Variants in HIPK2 observed in about 807,000 individuals in gnomAD.
The protein encoded by HIPK2 is homeodomain interacting protein kinase 2, also known as homeodomain-interacting protein kinase 2.
HIPK2 carries 27 observed loss-of-function variants against 113.7 expected under a neutral mutation model. The observed-to-expected ratio is 0.24, with a 90% CI of 0.17 to 0.33. The LOEUF (loss-of-function observed/expected upper bound fraction) is 0.33, where lower values mean the gene tolerates loss of function less well. HIPK2 is among the 10% of genes least tolerant of loss of function. The pLI, the probability that HIPK2 is intolerant of heterozygous loss-of-function variation, is 1.00. For missense variants in HIPK2, 1,257 were observed against 1,588.0 expected, an observed-to-expected ratio of 0.79 and a Z score of 3.54; for synonymous variants, 631 against 642.2, an observed-to-expected ratio of 0.98 and a Z score of 0.26.
intron 1 of HIPK2, among the ~76,000 whole-genome samples, chr7:139,754,085 A>G (rs1796325867): frequency 6.6e-6 from 1 of 152,220 alleles, no homozygotes; most frequent in Admixed American, 6.5e-5. Flanking sequence ...CCAGGCTGCT[A>G]TCTGCTCCAA....
chr7:139,763,837 G>C (rs1326353741), intron 1 of HIPK2, among the ~76,000 whole-genome samples: 2 of 152,236 alleles, frequency 1.3e-5, no homozygotes, highest in African/African-American at 2.4e-5. Context: ...CACATTCCCA[G>C]CTGAGCTCCA....
intron 12 of HIPK2, among the ~76,000 whole-genome samples, chr7:139,592,087 T>C (rs1051232365): frequency 3.3e-5 from 5 of 152,280 alleles, no homozygotes; most frequent in African/African-American, 1.2e-4. Flanking sequence ...TAATGATTTC[T>C]CTAGACTTTC....
intron 8 of HIPK2, 70 bp downstream of exon 8, chr7:139,614,216 C>A: frequency 7.9e-7 from 1 of 1,264,734 alleles, no homozygotes; most frequent in Non-Finnish European, 1.0e-6. Context: ...TGACAGAAAA[C>A]TGCAGGTGCC....
At chr7:139,618,579 C>G (rs6467864) in intron 7 of HIPK2, among the ~76,000 whole-genome samples, 1 of 151,972 alleles carries the variant, frequency 6.6e-6, no homozygotes, top group Non-Finnish European at 1.5e-5. Flanking sequence ...GATGAGCAAC[C>G]CTTTTAGTTT....
chr7:139,751,032 G>A (rs753736166), intron 1 of HIPK2, among the ~76,000 whole-genome samples: 3 of 152,050 alleles, frequency 2.0e-5, no homozygotes, highest in African/African-American at 4.8e-5. Context: ...TATTTATCCT[G>A]ATCCTGTCCT....
In HIPK2 at chr7:139,777,674, G is replaced by A; in HGVS notation, c.-51C>T. On this transcript the variant is annotated 5_prime_UTR_variant, in exon 1 of 15. Transcript: ENST00000406875. ...GGCAACGGGGACGGGAAAGCGGCGC[G>A]CGAGCTCGGCCCCCCCAGCCTCAGT... 9.1e-7 allele frequency: 1 copy of A among 1,094,090 alleles called. No homozygotes were observed. Among genetic ancestry groups the A allele is most frequent in the Non-Finnish European group, 1.1e-6 (1 of 898,314 alleles). 67.8% of individuals were successfully genotyped at this position (1,094,090 alleles called of 1,614,324 possible).
rs559119301 is a variant in HIPK2 at position 139,562,832 on chromosome 7, A to G, written c.*10095T>C. The G allele has an allele frequency of 6.6e-6, 1 of 152,374 alleles. No homozygotes were observed. Among genetic ancestry groups the G allele is most frequent in the South Asian group, 2.1e-4 (1 of 4,832 alleles). 9.4% of individuals were successfully genotyped at this position (152,374 alleles called of 1,614,324 possible). ...TCATCTGTAAAGCTATACTTCTCCT[A>G]TCCAATTTGGTTTGATATATATACA... On this transcript the variant is annotated 3_prime_UTR_variant, in exon 15 of 15. Transcript: ENST00000406875.
At chr7:139,734,540 CT>C (rs1380723286) in intron 1 of HIPK2, among the ~76,000 whole-genome samples, 1 of 152,222 alleles carries the variant, frequency 6.6e-6, no homozygotes, top group Non-Finnish European at 1.5e-5. Flanking sequence ...ACCCTGCCCC[CT>C]AAATGCATTC....
At chr7:139,665,042 T>C (rs201148047) in intron 2 of HIPK2, among the ~76,000 whole-genome samples, 23,988 of 149,884 alleles carry the variant, frequency 0.16, 2,278 homozygotes, top group East Asian at 0.41. Context: ...TCTCTCTCTT[T>C]TTTTTTTTTT....
In HIPK2 at chr7:139,716,756, G is replaced by A. The variant is rs569019240; in HGVS notation, c.279C>T (p.Ile93=). The A allele has an allele frequency of 2.8e-5, 45 of 1,613,900 alleles. No individual in the cohort carries two copies. In the South Asian group the frequency reaches 2.9e-4, roughly 10 times the overall value. The change falls in exon 2 of 15, where the codon ATC becomes ATT. Residue 93 remains isoleucine (I), a synonymous_variant. Transcript: ENST00000406875. The surrounding 1 kb of genome is among the most constrained non-coding windows in gnomAD (Gnocchi z 9.3). ...TIVFPGSTGH[I]VVTSASSTSV... The stretch of plus-strand genomic sequence containing the variant: ...AAGTGCTGCTTGCTGAGGTGACCAC[G>A]ATGTGCCCGGTGCTTCCTGGGAAGA...
In HIPK2 at chr7:139,716,979, G is replaced by T. The variant is rs747654281; in HGVS notation, c.56C>A (p.Thr19Asn). 1 of 1,612,132 alleles carries T rather than the reference G, an allele frequency of 6.2e-7. No individual in the cohort carries two copies. The highest frequency in any genetic ancestry group is 1.7e-5 in the Admixed American group (1 of 59,984). The change falls in exon 2 of 15, where the codon ACC becomes AAC. Residue 19 changes from threonine to asparagine, a missense_variant. Coordinates refer to ENST00000406875, the MANE Select transcript of HIPK2 (RefSeq NM_022740.5). This position sits in a 1 kb window ranked among gnomAD's most constrained non-coding sequence, Gnocchi z 9.3. ...ASHVQVFSPHTLQSSAFCSVK... is the reference protein window; with the variant it reads ...ASHVQVFSPHNLQSSAFCSVK... ...ACTACAGAAGGCACTTGATTGAAGG[G>T]TGTGAGGGGAGAAAACTTGCACATG...
At chr7:139,688,618 T>G (rs1229430654) in intron 2 of HIPK2, among the ~76,000 whole-genome samples, 2 of 152,252 alleles carry the variant, frequency 1.3e-5, no homozygotes, top group Non-Finnish European at 2.9e-5. Context: ...TATTTTCATC[T>G]GCAGCCTACA....
intron 1 of HIPK2, among the ~76,000 whole-genome samples, chr7:139,764,914 T>C (rs546318786): frequency 1.2e-4 from 18 of 152,300 alleles, no homozygotes; most frequent in African/African-American, 4.1e-4. Context: ...GGCAGGTGGA[T>C]CACCTGAAGT....
chr7:139,729,345 G>C (rs1285140378), intron 1 of HIPK2, among the ~76,000 whole-genome samples: 1 of 139,372 alleles, frequency 7.2e-6, no homozygotes, highest in Non-Finnish European at 1.6e-5. Flanking sequence ...GAGAGAGAGA[G>C]AGAGAGAGAG....
At chr7:139,611,771 T>C (rs751097326) in intron 9 of HIPK2, among the ~76,000 whole-genome samples, 48 of 152,278 alleles carry the variant, frequency 3.2e-4, no homozygotes, top group Middle Eastern at 3.4e-3. Flanking sequence ...CTTGAACTCC[T>C]GGGCTCAAGT....
At chr7:139,721,502 G>T (rs1297218920) in intron 1 of HIPK2, among the ~76,000 whole-genome samples, 1 of 152,118 alleles carries the variant, frequency 6.6e-6, no homozygotes, top group African/African-American at 2.4e-5. Context: ...TGCAGAGGGG[G>T]ACTCAATGTT....
intron 2 of HIPK2, among the ~76,000 whole-genome samples, chr7:139,654,492 G>A (rs1032198658): frequency 5.3e-5 from 8 of 152,100 alleles, no homozygotes; most frequent in South Asian, 2.1e-4. Flanking sequence ...CACCCTGGAC[G>A]ACAGAGCAAG....
At chr7:139,739,256 C>A (rs555001946) in intron 1 of HIPK2, among the ~76,000 whole-genome samples, 1 of 151,880 alleles carries the variant, frequency 6.6e-6, no homozygotes, top group South Asian at 2.1e-4. Context: ...GCTTTATGGA[C>A]ATAACAACTC....
At chr7:139,760,903 A>T (rs1796451350) in intron 1 of HIPK2, among the ~76,000 whole-genome samples, 1 of 152,226 alleles carries the variant, frequency 6.6e-6, no homozygotes, top group Admixed American at 6.5e-5. Context: ...CCATGAATGA[A>T]CACAGATTTT....
Sources: gnomAD v4.1 joint callset for allele counts (sites outside exome capture counted in the v4.1 genomes callset) on GRCh38, gnomAD v4.1.1 for gene constraint, Gnocchi (gnomAD v3.1) non-coding constraint, MANE v1.5 for transcripts, NCBI Gene and HGNC (gene_info 2026-07-23, HGNC 2026-07-21) for gene names.